Variants in GABRA3 observed in about 807,000 individuals in gnomAD.
GABRA3 encodes gamma-aminobutyric acid type A receptor subunit alpha3, also known as gamma-aminobutyric acid receptor subunit alpha-3.
Under a neutral mutation model 30.1 loss-of-function variants are expected in GABRA3, and 10 were observed. That is an observed-to-expected ratio of 0.33 (90% CI 0.20 to 0.56). The LOEUF is 0.56. Among genes scored for constraint, GABRA3 ranks in the 20% least tolerant of loss-of-function variants. GABRA3 has a pLI of 0.89. For missense variants in GABRA3, 233 were observed against 392.0 expected, an observed-to-expected ratio of 0.59 and a Z score of 3.42; for synonymous variants, 151 against 146.8, an observed-to-expected ratio of 1.03 and a Z score of -0.21.
intron 3 of GABRA3, among the ~76,000 whole-genome samples, chrX:152,310,236 A>G (rs1476379959): frequency 1.8e-5 from 2 of 112,270 alleles, no homozygotes; most frequent in Non-Finnish European, 3.8e-5. Flanking sequence ...CAAGGCAGAA[A>G]ACTAACAAAG....
intron 1 of GABRA3, among the ~76,000 whole-genome samples, chrX:152,385,227 C>T (rs1009436084): frequency 3.6e-5 from 4 of 111,519 alleles, no homozygotes; most frequent in Non-Finnish European, 7.5e-5. Flanking sequence ...TTTGATGATA[C>T]ACATATACAT....
chrX:152,278,312 A>C (rs1315755198), intron 4 of GABRA3, among the ~76,000 whole-genome samples: 3 of 90,123 alleles, frequency 3.3e-5, no homozygotes, highest in Admixed American at 1.3e-4. Context: ...TCCTGTGTCC[A>C]TGTGTTCTCA....
intron 1 of GABRA3, among the ~76,000 whole-genome samples, chrX:152,378,287 A>G (rs976147986): frequency 2.7e-5 from 3 of 111,761 alleles, no homozygotes; most frequent in African/African-American, 6.5e-5. Flanking sequence ...AAATCCCCAT[A>G]CTTCAGATAT....
At chrX:152,273,188 C>T (rs76123014) in intron 4 of GABRA3, among the ~76,000 whole-genome samples, 195 of 111,826 alleles carry the variant, frequency 1.7e-3, no homozygotes, top group African/African-American at 5.5e-3. Flanking sequence ...GTATGAAAAA[C>T]GCTCAACATC....
rs183015962 is a variant in GABRA3, at chrX:152,242,954, C to T, written c.551+12824G>A. Among the ~76,000 whole-genome samples, 3 of 112,014 alleles carry T rather than the reference C, an allele frequency of 2.7e-5. No homozygotes were observed. The Admixed American group carries it at 2.9e-4, about 11-fold the overall frequency. On this transcript the variant is annotated intron_variant, in intron 5 of 9. Coordinates refer to ENST00000370314, the MANE Select transcript of GABRA3 (RefSeq NM_000808.4). Reference sequence around the variant, plus strand: ...AGCATTATTCACAATAGCCAAGATACGGAATCAATTTAAGCATTCATTGGT... The same window carrying T: ...AGCATTATTCACAATAGCCAAGATATGGAATCAATTTAAGCATTCATTGGT...
At chrX:152,409,662 C>A (rs1475197712) in intron 1 of GABRA3, among the ~76,000 whole-genome samples, 3 of 111,277 alleles carry the variant, frequency 2.7e-5, no homozygotes, top group Non-Finnish European at 5.7e-5. Flanking sequence ...CCAAACAACT[C>A]AATACCAAAA....
chrX:152,235,989 T>C, intron 5 of GABRA3, among the ~76,000 whole-genome samples: 1 of 106,950 alleles, frequency 9.4e-6, no homozygotes, highest in African/African-American at 3.4e-5. Flanking sequence ...ATCTTTATTT[T>C]TTTTTTAATT....
Position 152,368,819 on chromosome X carries a change from C to A in GABRA3, c.-26-4223G>T, listed in dbSNP as rs757225535. 1.2e-3 allele frequency among the ~76,000 whole-genome samples: 125 copies of A among 104,594 alleles called. 3 individuals carry two copies. The highest frequency in any genetic ancestry group is 4.2e-3 in the African/African-American group (120 of 28,609). The allele number at this position is 104,594 out of a possible 115,157, so 90.8% of individuals were successfully genotyped here. A position where few individuals can be genotyped will look rare whatever the true frequency, so the allele number is the denominator to read the frequency against. ...CTCCTGGGTTCACACCATTCTCCTGCCTCAGCCTCCCGAGTAGCTGGGACT... is the reference window on the plus strand; with the variant it reads ...CTCCTGGGTTCACACCATTCTCCTGACTCAGCCTCCCGAGTAGCTGGGACT... On this transcript the variant is annotated intron_variant, in intron 1 of 9. Coordinates refer to ENST00000370314, the MANE Select transcript of GABRA3 (RefSeq NM_000808.4).
intron 2 of GABRA3, among the ~76,000 whole-genome samples, chrX:152,351,278 T>C (rs1326155798): frequency 8.9e-6 from 1 of 112,235 alleles, no homozygotes; most frequent in Non-Finnish European, 1.9e-5. Flanking sequence ...CTTCTTCCAA[T>C]AGAAGGATGT....
At chrX:152,275,794 T>G (rs997837179) in intron 4 of GABRA3, among the ~76,000 whole-genome samples, 7 of 108,687 alleles carry the variant, frequency 6.4e-5, no homozygotes, top group Non-Finnish European at 9.5e-5. Flanking sequence ...TTATATCCTG[T>G]AAATAAATCA....
chrX:152,329,415 C>G (rs1486374631), intron 3 of GABRA3, among the ~76,000 whole-genome samples: 1 of 111,795 alleles, frequency 8.9e-6, no homozygotes, highest in Non-Finnish European at 1.9e-5. Context: ...AAGAACAAAG[C>G]TGGAGGCATC....
At position 152,206,120 on chromosome X, in the gene GABRA3, G is replaced by A. The variant is rs768459113; in HGVS notation, c.778+1881C>T. Among the ~76,000 whole-genome samples the A allele has an allele frequency of 1.2e-4, 14 of 112,636 alleles. No individual in the cohort carries two copies. The East Asian group carries it at 1.7e-3, about 14-fold the overall frequency. On this transcript the variant is annotated intron_variant, in intron 7 of 9. Transcript: ENST00000370314. ...CAGGTGGGCAGTGCCCAGGACAGAC[G>A]GGGAGGTGAGGGGAGTGAACAGATA...
chrX:152,263,437 G>A (rs1255239770), intron 4 of GABRA3, among the ~76,000 whole-genome samples: 2 of 110,107 alleles, frequency 1.8e-5, no homozygotes, highest in Non-Finnish European at 3.8e-5. Flanking sequence ...GCATACTGGA[G>A]AATGCATCAG....
chrX:152,241,881 C>A (rs1938383547), intron 5 of GABRA3, among the ~76,000 whole-genome samples: 2 of 111,640 alleles, frequency 1.8e-5, no homozygotes, highest in Non-Finnish European at 3.8e-5. Flanking sequence ...GGTGCGCGCA[C>A]CCACTGGCCT....
In GABRA3 at chrX:152,355,869, T is replaced by A. The variant is rs185980135; in HGVS notation, c.140+8562A>T. Among the ~76,000 whole-genome samples, 136 of 111,847 alleles carry A rather than the reference T, an allele frequency of 1.2e-3. 1 individual carries two copies. Among genetic ancestry groups the A allele is most frequent in the African/African-American group, 4.1e-3 (128 of 30,859 alleles). On this transcript the variant is annotated intron_variant, in intron 2 of 9. Transcript: ENST00000370314. ...ACCAGGAACCAGGAGTATAGGAAAT[T>A]CATTTATTATATGAAGTTGAAATTA... is the stretch of plus-strand genomic sequence containing the variant.
At position 152,322,596 on chromosome X, in the gene GABRA3, C is replaced by T. The variant is rs745883662; in HGVS notation, c.262+22985G>A. Among the ~76,000 whole-genome samples, 22 of 107,915 alleles carry T rather than the reference C, an allele frequency of 2.0e-4. No individual in the cohort carries two copies. In the East Asian group the frequency reaches 5.5e-3, roughly 27 times the overall value. The allele number at this position is 107,915 out of a possible 115,157, so 93.7% of individuals were successfully genotyped here. On this transcript the variant is annotated intron_variant, in intron 3 of 9. Transcript: ENST00000370314. Reference sequence around the variant, plus strand: ...TTGCCTAGGCTGGAGTGCAATGGCACGATCTCGGCTCATTGAAACTTCTGC... The same window carrying T: ...TTGCCTAGGCTGGAGTGCAATGGCATGATCTCGGCTCATTGAAACTTCTGC...
intron 3 of GABRA3, among the ~76,000 whole-genome samples, chrX:152,288,821 T>C (rs1368952912): frequency 8.9e-6 from 1 of 112,254 alleles, no homozygotes; most frequent in African/African-American, 3.2e-5. Context: ...TTTCTTCTCT[T>C]TTTATATAAT....
intron 2 of GABRA3, among the ~76,000 whole-genome samples, chrX:152,361,343 G>T (rs1928495395): frequency 9.2e-6 from 1 of 109,285 alleles, no homozygotes; most frequent in Non-Finnish European, 1.9e-5. Context: ...GGGAGGCTGA[G>T]GCGGGCGGAT....
At chrX:152,363,284 TA>T (rs1385295247) in intron 2 of GABRA3, among the ~76,000 whole-genome samples, 2 of 112,040 alleles carry the variant, frequency 1.8e-5, no homozygotes, top group Non-Finnish European at 3.8e-5. Flanking sequence ...AGCATAGTCA[TA>T]AAAGTATAAA....
Sources: gnomAD v4.1 joint callset for allele counts (sites outside exome capture counted in the v4.1 genomes callset) on GRCh38, gnomAD v4.1.1 for gene constraint, MANE v1.5 for transcripts, NCBI Gene and HGNC (gene_info 2026-07-23, HGNC 2026-07-21) for gene names.